LHFPL3: variants seen among roughly 807,000 people sequenced by gnomAD.
LHFPL3 encodes LHFPL tetraspan subfamily member 3, also known as LHFPL tetraspan subfamily member 3 protein.
In LHFPL3, 5 loss-of-function variants were observed where a neutral mutation model predicts 19.3. The ratio of observed to expected loss-of-function variants is 0.26; its 90% CI spans 0.14 to 0.54. LHFPL3 has a LOEUF of 0.54. Ranked by LOEUF, LHFPL3 falls within the 20% of genes least tolerant of loss-of-function variation. The probability of loss-of-function intolerance (pLI) is 0.94; values close to 1 mark genes in which losing one functional copy is unlikely to be tolerated. For synonymous variants in LHFPL3, 133 were observed against 126.2 expected (o/e 1.05, Z -0.36); for missense variants, 249 against 307.4 (o/e 0.81, Z 1.42).
chr7:104,393,801 A>T (rs981138382), intron 1 of LHFPL3, among the ~76,000 whole-genome samples: 2 of 152,240 alleles, frequency 1.3e-5, no homozygotes, highest in African/African-American at 4.8e-5. Context: ...GTGCTACAAC[A>T]TGAATGAATA....
rs549448093 is a variant in LHFPL3, at chr7:104,435,162, A to G, written c.445+105938A>G. 4.7e-3 allele frequency among the ~76,000 whole-genome samples: 714 copies of G among 152,198 alleles called. 4 individuals are homozygous for G. The highest frequency in any genetic ancestry group is 8.4e-3 in the Non-Finnish European group (572 of 68,008). ...TGTTCTCTTTATTATTTATTTATTG[A>G]GACAGGTTCTTGCTCTGTAACCCAG... On this transcript the variant is annotated intron_variant, in intron 1 of 2. Coordinates refer to ENST00000424859, the MANE Select transcript of LHFPL3 (RefSeq NM_199000.3).
chr7:104,574,448 CTTTACA>C (rs974576489), intron 1 of LHFPL3, among the ~76,000 whole-genome samples: 3 of 152,162 alleles, frequency 2.0e-5, no homozygotes, highest in Admixed American at 6.5e-5. Flanking sequence ...CTTTAAAGGA[CTTTACA>C]TTTTTGAAGT....
chr7:104,375,331 C>T (rs1466140861), intron 1 of LHFPL3, among the ~76,000 whole-genome samples: 1 of 151,582 alleles, frequency 6.6e-6, no homozygotes. Flanking sequence ...GAATGGGATT[C>T]CATCTAAAAA....
chr7:104,631,677 C>T lies in LHFPL3; in HGVS notation c.446-104998C>T, dbSNP rs1042075988. On this transcript the variant is annotated intron_variant, in intron 1 of 2. Coordinates refer to ENST00000424859, the MANE Select transcript of LHFPL3 (RefSeq NM_199000.3). Reference sequence around the variant, plus strand: ...TTTATATGCAGAGCTTTTGCTATTCCTTCAATATTGCATTCACTTCTAGGC... The same window carrying T: ...TTTATATGCAGAGCTTTTGCTATTCTTTCAATATTGCATTCACTTCTAGGC... 3.9e-5 allele frequency among the ~76,000 whole-genome samples: 6 copies of T among 152,274 alleles called. No individual in the cohort carries two copies. In the South Asian group the frequency reaches 1.2e-3, roughly 32 times the overall value.
chr7:104,466,610 C>T (rs1356475103), intron 1 of LHFPL3, among the ~76,000 whole-genome samples: 2 of 152,190 alleles, frequency 1.3e-5, no homozygotes, highest in East Asian at 3.8e-4. Context: ...TTCAGCCACT[C>T]CTCTGCCAAT....
intron 2 of LHFPL3, among the ~76,000 whole-genome samples, chr7:104,802,508 AAAAAAAAGAG>A (rs1232336871): frequency 5.5e-5 from 8 of 144,150 alleles, no homozygotes; most frequent in African/African-American, 1.0e-4. Context: ...AAAAAAAAAA[AAAAAAAAGAG>A]AGAGAGAGCA....
intron 1 of LHFPL3, among the ~76,000 whole-genome samples, chr7:104,487,715 A>G (rs1417970979): frequency 6.6e-6 from 1 of 152,212 alleles, no homozygotes; most frequent in Non-Finnish European, 1.5e-5. Context: ...TCTGAGTTTT[A>G]TTCTGTAACA....
At chr7:104,561,289 G>T (rs1308898339) in intron 1 of LHFPL3, among the ~76,000 whole-genome samples, 2 of 148,800 alleles carry the variant, frequency 1.3e-5, no homozygotes, top group African/African-American at 5.2e-5. Context: ...GGGTGTTAAA[G>T]TCTCTCATTA....
rs371319866 is a variant in LHFPL3, at chr7:104,717,094, GAT to G, written c.446-19575_446-19574del. ...GAAAAAAATGATGTTGGGTAAACCA[GAT>G]ATATACCTGCAGAAGTAGGAAATTG... is the stretch of plus-strand genomic sequence containing the variant. On this transcript the variant is annotated intron_variant, in intron 1 of 2. Coordinates refer to ENST00000424859, the MANE Select transcript of LHFPL3 (RefSeq NM_199000.3). 2.7e-3 allele frequency among the ~76,000 whole-genome samples: 414 copies of G among 152,198 alleles called. 5 individuals are homozygous for G. The highest frequency in any genetic ancestry group is 9.4e-3 in the African/African-American group (391 of 41,528).
At chr7:104,415,423 A>C (rs576422841) in intron 1 of LHFPL3, among the ~76,000 whole-genome samples, 7 of 152,178 alleles carry the variant, frequency 4.6e-5, no homozygotes, top group Non-Finnish European at 1.0e-4. Context: ...GAAAACAATA[A>C]ATTATAGTAT....
chr7:104,329,166 C>A lies in LHFPL3; in HGVS notation c.387C>A (p.Phe129Leu). 6.2e-7 allele frequency: 1 copy of A among 1,614,060 alleles called. No homozygotes were observed. Among genetic ancestry groups the A allele is most frequent in the Admixed American group, 1.7e-5 (1 of 60,034 alleles). Reference protein sequence around the residue: ...IIACIICFTLFFFCNTATVYK... With the variant: ...IIACIICFTLLFFCNTATVYK... ...CCTGCATCATTTGCTTTACCCTCTT[C>A]TTCTTCTGCAACACGGCCACTGTGT... Residue 129 changes from phenylalanine (F) to leucine (L), a missense_variant, in exon 1 of 3, where the codon TTC becomes TTA. Phe to Leu is a conservative substitution (Grantham distance 22, BLOSUM62 0). Coordinates refer to ENST00000424859, the MANE Select transcript of LHFPL3 (RefSeq NM_199000.3).
rs1029574039 is a variant in LHFPL3, at chr7:104,824,952, AG to A, written c.683-81234del. Among the ~76,000 whole-genome samples the A allele has an allele frequency of 5.6e-5, 8 of 144,110 alleles. No individual in the cohort carries two copies. The East Asian group carries it at 5.9e-4, about 11-fold the overall frequency. The allele number at this position is 144,110 out of a possible 152,430, so 94.5% of individuals were successfully genotyped here. A position where few individuals can be genotyped will look rare whatever the true frequency, so the allele number is the denominator to read the frequency against. ...ATACTATATATATAATGTGTTTAGGAGCTTTGGAAGCCCAGGGCCCCAGCTT... is the reference window on the plus strand; with the variant it reads ...ATACTATATATATAATGTGTTTAGGACTTTGGAAGCCCAGGGCCCCAGCTT... On this transcript the variant is annotated intron_variant, in intron 2 of 2. Coordinates refer to ENST00000424859, the MANE Select transcript of LHFPL3 (RefSeq NM_199000.3).
intron 1 of LHFPL3, among the ~76,000 whole-genome samples, chr7:104,509,554 A>T (rs1215336872): frequency 6.6e-6 from 1 of 152,090 alleles, no homozygotes; most frequent in Non-Finnish European, 1.5e-5. Flanking sequence ...CTAAAAAAAA[A>T]ATCAGCAAAA....
At chr7:104,891,967 A>T (rs150736662) in intron 2 of LHFPL3, among the ~76,000 whole-genome samples, 113 of 152,362 alleles carry the variant, frequency 7.4e-4, no homozygotes, top group African/African-American at 2.6e-3. Context: ...GCTACCAGGA[A>T]TCTAAGAAAA....
chr7:104,796,068 C>T (rs1790119927), intron 2 of LHFPL3, among the ~76,000 whole-genome samples: 1 of 152,222 alleles, frequency 6.6e-6, no homozygotes, highest in Admixed American at 6.5e-5. Flanking sequence ...CACTCTTCAG[C>T]TCACGTATGG....
intron 1 of LHFPL3, among the ~76,000 whole-genome samples, chr7:104,573,337 G>A (rs1041758877): frequency 6.7e-6 from 1 of 149,908 alleles, no homozygotes; most frequent in Non-Finnish European, 1.5e-5. Context: ...ACTTGAACCT[G>A]GGAGGCGGAG....
At chr7:104,624,380 T>C (rs1036940241) in intron 1 of LHFPL3, among the ~76,000 whole-genome samples, 9 of 152,222 alleles carry the variant, frequency 5.9e-5, no homozygotes, top group Non-Finnish European at 8.8e-5. Context: ...ATCAGAAAGT[T>C]CCTCTAGAAT....
At chr7:104,402,962 A>G (rs971477909) in intron 1 of LHFPL3, among the ~76,000 whole-genome samples, 3 of 152,194 alleles carry the variant, frequency 2.0e-5, no homozygotes, top group Non-Finnish European at 4.4e-5. Flanking sequence ...AGGAACAGAG[A>G]ACCACACACT....
At chr7:104,725,443 G>A (rs6466016) in intron 1 of LHFPL3, among the ~76,000 whole-genome samples, 147,028 of 152,318 alleles carry the variant, frequency 0.97, 70,969 homozygotes, top group East Asian at 0.99. Context: ...AAAATATTCA[G>A]TTTTCTTTTT....
Sources: allele counts gnomAD v4.1 joint callset (sites outside exome capture counted in the v4.1 genomes callset), GRCh38; gene constraint gnomAD v4.1.1; transcripts MANE v1.5; gene names NCBI Gene and HGNC (gene_info 2026-07-23, HGNC 2026-07-21).